The following AKR7A3 variants were observed in gnomAD, a reference collection of about 807,000 sequenced individuals.
AKR7A3 encodes the protein aldo-keto reductase family 7 member A3, also known as AFB1 aldehyde reductase 2.
AKR7A3 carries 37 observed loss-of-function variants against 32.5 expected under a neutral mutation model. That is an observed-to-expected ratio of 1.14 (90% confidence interval 0.88 to 1.50). AKR7A3 has a LOEUF of 1.50. Ranked by LOEUF, AKR7A3 falls within the 40% of genes most tolerant of loss-of-function variation. AKR7A3 has a pLI of 0.00. For missense variants in AKR7A3, 412 were observed against 453.2 expected, an observed-to-expected ratio of 0.91 and a Z score of 0.83; for synonymous variants, 177 against 188.4, an observed-to-expected ratio of 0.94 and a Z score of 0.50.
At position 19,288,518 on chromosome 1, in the gene AKR7A3, C is replaced by T. The variant is rs764617368; in HGVS notation, c.192G>A (p.Arg64=). The T allele has an allele frequency of 6.2e-6, 10 of 1,609,922 alleles. No individual in the cohort carries two copies. Among genetic ancestry groups the T allele is most frequent in the Admixed American group, 3.3e-5 (2 of 59,900 alleles). The change falls in exon 1 of 7, where the codon CGG becomes CGA. Residue 64 remains arginine, a synonymous_variant. Coordinates refer to ENST00000361640, the MANE Select transcript of AKR7A3 (RefSeq NM_012067.3). ...SETILGGLGL[R]LGGSDCRVKI... is the part of the protein sequence containing the mutation. Reference sequence around the variant, plus strand: ...TACCTCTGCAGTCGCTGCCGCCCAGCCGGAGCCCCAGGCCGCCAAGGATGG... The same window carrying T: ...TACCTCTGCAGTCGCTGCCGCCCAGTCGGAGCCCCAGGCCGCCAAGGATGG...
Position 19,286,385 on chromosome 1 carries a change from A to T in AKR7A3, c.215-13T>A. 1 of 1,612,530 alleles carries T rather than the reference A, an allele frequency of 6.2e-7. No individual in the cohort carries two copies. Among genetic ancestry groups the T allele is most frequent in the Non-Finnish European group, 8.5e-7 (1 of 1,179,008 alleles). ...GTATCAATTTTCACTGAGAGGAAAG[A>T]GAAATGAAATTCAGGGCCAGGCGCC... On this transcript the variant is annotated splice_polypyrimidine_tract_variant and intron_variant, in intron 1 of 6. Transcript: ENST00000361640.
chr1:19,276,500 G>A, the AKR7A3 span, among the ~76,000 whole-genome samples: 4 of 150,962 alleles, frequency 2.6e-5, no homozygotes, highest in Admixed American at 2.0e-4. Context: ...CATAAAACAA[G>A]TCTTAATAAA....
At chr1:19,284,159 G>T (rs758663519) in intron 5 of AKR7A3, 34 bp from the exon 6 acceptor site, 1 of 1,585,964 alleles carries the variant, frequency 6.3e-7, no homozygotes, top group Non-Finnish European at 8.6e-7. Context: ...AGGTGTCAGG[G>T]CCACATTGGG....
At chr1:19,287,989 C>A (rs2093733908) in intron 1 of AKR7A3, among the ~76,000 whole-genome samples, 1 of 152,208 alleles carries the variant, frequency 6.6e-6, no homozygotes, top group Non-Finnish European at 1.5e-5. Flanking sequence ...GTACTCAGAG[C>A]AAAGTCCGGG....
At chr1:19,284,665 C>T (rs765275137) in intron 5 of AKR7A3, 21 bp downstream of exon 5, 2 of 1,613,010 alleles carry the variant, frequency 1.2e-6, no homozygotes, top group African/African-American at 1.3e-5. Flanking sequence ...CAGCCATCCA[C>T]ACCAAGCACC....
rs377113485 is a variant in AKR7A3, at chr1:19,284,703, T to C, written c.687A>G (p.Ala229=). The C allele has an allele frequency of 6.2e-7, 1 of 1,613,814 alleles. No individual in the cohort carries two copies. Among genetic ancestry groups the C allele is most frequent in the Non-Finnish European group, 8.5e-7 (1 of 1,179,964 alleles). Residue 229 remains alanine (A), a synonymous_variant, in exon 5 of 7, where the codon GCA becomes GCG. Transcript: ENST00000361640. ...CAGCTTACCGATTCCTGTACATCTC[T>C]GCCCAGGTATTCCCAAAGAAGCGGC... is the stretch of plus-strand genomic sequence containing the variant. ...PVGRFFGNTW[A]EMYRNRYWKE... is the part of the protein sequence containing the mutation.
chr1:19,281,286 C>A (rs1355878269), downstream of AKR7A3, among the ~76,000 whole-genome samples: 3 of 151,784 alleles, frequency 2.0e-5, no homozygotes, highest in Non-Finnish European at 4.4e-5. Context: ...TTTTGGGTAT[C>A]CTGGGTGCCC....
chr1:19,284,770 C>A lies in AKR7A3; in HGVS notation c.620G>T (p.Gly207Val). The A allele has an allele frequency of 6.2e-7, 1 of 1,613,914 alleles. No homozygotes were observed. Among genetic ancestry groups the A allele is most frequent in the Non-Finnish European group, 8.5e-7 (1 of 1,179,996 alleles). Residue 207 changes from glycine to valine, a missense_variant, in exon 5 of 7, where the codon GGC becomes GTC. Physicochemically the swap from Gly to Val is moderately radical, Grantham distance 109. Transcript: ENST00000361640. ...FNPLAGGLLT[G>V]KYKYEDKNGK... ...ATTCTTGTCCTCATACTTGTACTTG[C>A]CGGTCAGCAGGCCCCCTGAGGGAAA... is the stretch of plus-strand genomic sequence containing the variant.
intron 1 of AKR7A3, among the ~76,000 whole-genome samples, chr1:19,287,996 C>T (rs757296618): frequency 6.6e-5 from 10 of 152,288 alleles, no homozygotes; most frequent in Admixed American, 4.6e-4. Flanking sequence ...GAGCAAAGTC[C>T]GGGGCCCCGA....
chr1:19,287,095 T>C (rs2093731978), intron 1 of AKR7A3, among the ~76,000 whole-genome samples: 1 of 151,752 alleles, frequency 6.6e-6, no homozygotes, highest in African/African-American at 2.4e-5. Context: ...TCACTTGAGC[T>C]CAGGGGTTTA....
At chr1:19,277,718 G>A (rs1431471052), downstream of AKR7A3, among the ~76,000 whole-genome samples, 4 of 151,756 alleles carry the variant, frequency 2.6e-5, no homozygotes, top group Non-Finnish European at 2.9e-5. Flanking sequence ...ACAGCGTCTC[G>A]CCATGTTGGC....
At chr1:19,282,507 C>T, downstream of AKR7A3, 1 of 753,396 alleles carries the variant, frequency 1.3e-6, no homozygotes, top group Non-Finnish European at 2.1e-6. Flanking sequence ...AACCTCTTTT[C>T]TTTATAAATG....
rs369200663 is a variant in AKR7A3 at position 19,282,883 on chromosome 1, C to T, written c.844G>A (p.Gly282Arg). The change falls in exon 7 of 7, where the codon GGG becomes AGG. Residue 282 changes from glycine to arginine, a missense_variant. Coordinates refer to ENST00000361640, the MANE Select transcript of AKR7A3 (RefSeq NM_012067.3). ...GACATGCCCAGGATGACCGCGTCCCCGTGGGCACCCTGCAAGGGAGACGGC... is the reference window on the plus strand; with the variant it reads ...GACATGCCCAGGATGACCGCGTCCCTGTGGGCACCCTGCAAGGGAGACGGC... ...YHHSQLQGAH[G>R]DAVILGMSSL... The T allele has an allele frequency of 6.8e-6, 11 of 1,611,864 alleles. 1 individual carries two copies. Among genetic ancestry groups the T allele is most frequent in the African/African-American group, 4.1e-5 (3 of 74,038 alleles).
chr1:19,279,006 C>G (rs7525961), downstream of AKR7A3, among the ~76,000 whole-genome samples: 118,902 of 151,780 alleles, frequency 0.78, 47,067 homozygotes, highest in South Asian at 0.87. Flanking sequence ...ACCCAGGCTG[C>G]AGTGCAGTGA....
At chr1:19,285,614 C>T (rs1035442111) in intron 3 of AKR7A3, among the ~76,000 whole-genome samples, 1 of 151,420 alleles carries the variant, frequency 6.6e-6, no homozygotes. Context: ...ACGGAAGGGG[C>T]GGTGGTGGGG....
Position 19,288,680 on chromosome 1 carries a change from T to G in AKR7A3, c.30A>C (p.Pro10=). MSRQLSRAR[P]ATVLGAMEMG... is the part of the protein sequence containing the mutation. ...TCTCCATGGCGCCCAGCACCGTGGC[T>G]GGCCGGGCCCGCGACAGCTGCCGGG... The change falls in exon 1 of 7, where the codon CCA becomes CCC. Residue 10 remains proline (P), a synonymous_variant. Transcript: ENST00000361640. 6.6e-7 allele frequency: 1 copy of G among 1,518,932 alleles called. No individual in the cohort carries two copies. The highest frequency in any genetic ancestry group is 8.8e-7 in the Non-Finnish European group (1 of 1,134,350). The allele number at this position is 1,518,932 out of a possible 1,614,324, so 94.1% of individuals were successfully genotyped here.
downstream of AKR7A3, among the ~76,000 whole-genome samples, chr1:19,278,244 C>T (rs186820076): frequency 8.6e-5 from 13 of 151,746 alleles, no homozygotes; most frequent in East Asian, 1.4e-3. Flanking sequence ...CCACCATGAC[C>T]GGCCTGTTTT....
At chr1:19,278,137 TTG>T (rs1558129151), downstream of AKR7A3, among the ~76,000 whole-genome samples, 1 of 151,812 alleles carries the variant, frequency 6.6e-6, no homozygotes, top group Non-Finnish European at 1.5e-5. Flanking sequence ...GTTAGTTTTT[TTG>T]TGTGTGGTAT....
chr1:19,279,328 T>C (rs56917468), downstream of AKR7A3, among the ~76,000 whole-genome samples: 3,153 of 152,046 alleles, frequency 0.021, 140 homozygotes, highest in East Asian at 0.066. Context: ...CTTTCATTCA[T>C]TGATGGACAT....
Sources: allele counts gnomAD v4.1 joint callset (sites outside exome capture counted in the v4.1 genomes callset), GRCh38; gene constraint gnomAD v4.1.1; transcripts MANE v1.5; gene names NCBI Gene and HGNC (gene_info 2026-07-23, HGNC 2026-07-21).